The following LUZP2 variants were observed in gnomAD, a reference collection of about 807,000 sequenced individuals.
The protein encoded by LUZP2 is leucine zipper protein 2.
Under a neutral mutation model 51.6 loss-of-function variants are expected in LUZP2, and 52 were observed. That is an observed-to-expected ratio of 1.01 (90% CI 0.81 to 1.27). The LOEUF is 1.27. LUZP2 is among the 50% of genes most tolerant of loss of function. The probability of loss-of-function intolerance (pLI) is 0.00; values close to 1 mark genes in which losing one functional copy is unlikely to be tolerated. For synonymous variants in LUZP2, 154 were observed against 137.3 expected, an observed-to-expected ratio of 1.12 and a Z score of -0.85; for missense variants, 436 against 395.4, an observed-to-expected ratio of 1.10 and a Z score of -0.87.
In LUZP2 at chr11:24,543,170, T is replaced by G. The variant is rs7124669; in HGVS notation, c.62+45865T>G. On this transcript the variant is annotated intron_variant, in intron 1 of 11. Coordinates refer to ENST00000336930, the MANE Select transcript of LUZP2 (RefSeq NM_001009909.4). ...TTATATTAGGTGGTTTCAATTTGTA[T>G]ATAAGAAAACTGATACTTTAGGAAC... Among the ~76,000 whole-genome samples, 1,398 of 150,698 alleles carry G rather than the reference T, an allele frequency of 9.3e-3. 19 individuals carry two copies. The highest frequency in any genetic ancestry group is 0.029 in the African/African-American group (1,169 of 40,234).
chr11:24,906,075 C>A, intron 6 of LUZP2, 22 bp downstream of exon 6: 1 of 1,583,348 alleles, frequency 6.3e-7, no homozygotes, highest in South Asian at 1.1e-5. Context: ...TTTGCTTCTT[C>A]TAGCTTTAAC....
At chr11:24,696,438 A>T (rs1020329217) in intron 1 of LUZP2, among the ~76,000 whole-genome samples, 3 of 152,134 alleles carry the variant, frequency 2.0e-5, no homozygotes, top group African/African-American at 4.8e-5. Context: ...GAATGAGCAT[A>T]ATGTTGGGAG....
At chr11:24,903,764 A>G (rs1045502274) in intron 5 of LUZP2, among the ~76,000 whole-genome samples, 1 of 152,146 alleles carries the variant, frequency 6.6e-6, no homozygotes, top group Non-Finnish European at 1.5e-5. Context: ...TGAGTGCAAT[A>G]AGCCAGATAT....
intron 1 of LUZP2, among the ~76,000 whole-genome samples, chr11:24,562,013 T>G (rs11028017): frequency 0.043 from 6,539 of 152,076 alleles, 430 homozygotes; most frequent in African/African-American, 0.15. Context: ...TATGTGTGGC[T>G]GGAAAGCAAT....
intron 1 of LUZP2, among the ~76,000 whole-genome samples, chr11:24,643,193 G>C (rs1195595587): frequency 6.8e-6 from 1 of 148,036 alleles, no homozygotes; most frequent in African/African-American, 2.5e-5. Flanking sequence ...CAGATCACTT[G>C]AGGTCAGGAG....
intron 1 of LUZP2, among the ~76,000 whole-genome samples, chr11:24,561,572 C>T (rs996685894): frequency 1.3e-5 from 2 of 152,064 alleles, no homozygotes; most frequent in Non-Finnish European, 1.5e-5. Flanking sequence ...GAACAGAGAA[C>T]CAAACACTGC....
chr11:24,912,581 G>A (rs544084570), intron 6 of LUZP2, among the ~76,000 whole-genome samples: 3 of 152,218 alleles, frequency 2.0e-5, no homozygotes, highest in East Asian at 1.9e-4. Flanking sequence ...TGCTGAGGTG[G>A]GCAGATTGCC....
chr11:24,761,363 G>T (rs1325082102), intron 4 of LUZP2, among the ~76,000 whole-genome samples: 2 of 152,120 alleles, frequency 1.3e-5, no homozygotes, highest in Non-Finnish European at 2.9e-5. Flanking sequence ...GTAGGATGGT[G>T]CTAAACCATT....
chr11:24,951,582 TATTTTATC>T (rs1855081933), intron 7 of LUZP2, among the ~76,000 whole-genome samples: 1 of 151,590 alleles, frequency 6.6e-6, no homozygotes, highest in African/African-American at 2.4e-5. Flanking sequence ...GAGCCAATTA[TATTTTATC>T]TTCACTCGTG....
At chr11:24,845,365 A>T (rs1351655064) in intron 5 of LUZP2, among the ~76,000 whole-genome samples, 1 of 152,154 alleles carries the variant, frequency 6.6e-6, no homozygotes, top group Non-Finnish European at 1.5e-5. Flanking sequence ...CTTGGAAGTA[A>T]CTAATCTGCT....
At chr11:24,829,376 C>T (rs1341618685) in intron 5 of LUZP2, among the ~76,000 whole-genome samples, 1 of 152,116 alleles carries the variant, frequency 6.6e-6, no homozygotes, top group Non-Finnish European at 1.5e-5. Flanking sequence ...CCACAGTGCA[C>T]ACACACAAAG....
chr11:24,649,232 C>T (rs966993202), intron 1 of LUZP2, among the ~76,000 whole-genome samples: 2 of 151,948 alleles, frequency 1.3e-5, no homozygotes, highest in Non-Finnish European at 2.9e-5. Context: ...TAGAATTTGT[C>T]CCATAAATGT....
chr11:24,960,136 G>T (rs918274478), intron 7 of LUZP2, among the ~76,000 whole-genome samples: 4 of 152,114 alleles, frequency 2.6e-5, no homozygotes, highest in Non-Finnish European at 4.4e-5. Flanking sequence ...TTGATGTGCT[G>T]CTGGATTCGG....
chr11:24,972,229 T>C (rs550676255), intron 7 of LUZP2, among the ~76,000 whole-genome samples: 10 of 151,824 alleles, frequency 6.6e-5, no homozygotes, highest in Non-Finnish European at 1.5e-4. Context: ...AATTTATTCT[T>C]CCTGCCCTGA....
Position 24,807,845 on chromosome 11 carries a change from A to G in LUZP2, c.396+44537A>G, listed in dbSNP as rs527273112. The stretch of plus-strand genomic sequence containing the variant: ...AAAGTGGAGGAAGGTCAGGGCGACC[A>G]TCTTGCTCTTTGGCTTTCTCAGTTG... On this transcript the variant is annotated intron_variant, in intron 5 of 11. Transcript: ENST00000336930. Among the ~76,000 whole-genome samples, 4 of 152,306 alleles carry G rather than the reference A, an allele frequency of 2.6e-5. No homozygotes were observed. In the South Asian group the frequency reaches 6.2e-4, roughly 24 times the overall value.
intron 7 of LUZP2, among the ~76,000 whole-genome samples, chr11:24,924,984 T>C (rs1261581482): frequency 3.9e-5 from 6 of 152,114 alleles, no homozygotes; most frequent in Non-Finnish European, 8.8e-5. Context: ...GCCAAACTCT[T>C]AGTTAATTCT....
At chr11:24,542,335 T>C (rs1851395913) in intron 1 of LUZP2, among the ~76,000 whole-genome samples, 1 of 152,146 alleles carries the variant, frequency 6.6e-6, no homozygotes, top group African/African-American at 2.4e-5. Context: ...GAATAGAACA[T>C]GTATGACAGT....
chr11:24,513,500 A>G (rs1850373767), intron 1 of LUZP2, among the ~76,000 whole-genome samples: 2 of 152,236 alleles, frequency 1.3e-5, no homozygotes, highest in African/African-American at 2.4e-5. Context: ...TAAAATATCA[A>G]TAGCCACTTT....
rs377367310 is a variant in LUZP2, at chr11:24,602,387, T to TATAC, written c.62+105083_62+105084insTACA. Among the ~76,000 whole-genome samples, 54 of 129,528 alleles carry TATAC rather than the reference T, an allele frequency of 4.2e-4. 1 individual carries two copies. Among genetic ancestry groups the TATAC allele is most frequent in the African/African-American group, 1.3e-3 (45 of 35,028 alleles). The allele number at this position is 129,528 out of a possible 152,430, so 85.0% of individuals were successfully genotyped here. A position where few individuals can be genotyped will look rare whatever the true frequency, so the allele number is the denominator to read the frequency against. ...AAGTGTGTGTGTGTATATATATATA[T>TATAC]ACACACACACACACACACACACACA... On this transcript the variant is annotated intron_variant, in intron 1 of 11. Transcript: ENST00000336930.
Sources: allele counts gnomAD v4.1 joint callset (sites outside exome capture counted in the v4.1 genomes callset), GRCh38; gene constraint gnomAD v4.1.1; transcripts MANE v1.5; gene names NCBI Gene and HGNC (gene_info 2026-07-23, HGNC 2026-07-21).